Variants in MED13L observed in about 807,000 individuals in gnomAD.
The protein encoded by MED13L is mediator of RNA polymerase II transcription subunit 13-like.
MED13L carries 7 observed loss-of-function variants against 220.9 expected under a neutral mutation model. That is an observed-to-expected ratio of 0.03 (90% CI 0.02 to 0.06). MED13L has a LOEUF of 0.06. Ranked by LOEUF, MED13L falls within the 10% of genes least tolerant of loss-of-function variation. The pLI is 1.00. For synonymous variants in MED13L, 1,011 were observed against 1,015.2 expected (o/e 1.00, Z 0.08); for missense variants, 1,965 against 2,760.5 (o/e 0.71, Z 6.46).
At chr12:116,111,895 A>G (rs543097419) in intron 2 of MED13L, among the ~76,000 whole-genome samples, 49 of 152,354 alleles carry the variant, frequency 3.2e-4, no homozygotes, top group African/African-American at 1.1e-3. Context: ...ACAAATTAAT[A>G]GCAAAGTTAT....
intron 2 of MED13L, among the ~76,000 whole-genome samples, chr12:116,201,839 AATAC>A (rs1882025345): frequency 6.6e-6 from 1 of 152,194 alleles, no homozygotes; most frequent in Admixed American, 6.5e-5. Context: ...TGAGCAATAT[AATAC>A]AGTAAGAAAA....
chr12:116,053,278 T>C (rs565476654), intron 4 of MED13L, among the ~76,000 whole-genome samples: 1 of 152,294 alleles, frequency 6.6e-6, no homozygotes, highest in East Asian at 1.9e-4. Context: ...ATTTATACTC[T>C]TCTAGAAGAA....
intron 4 of MED13L, among the ~76,000 whole-genome samples, chr12:116,071,120 A>C (rs1370767091): frequency 1.3e-5 from 2 of 152,194 alleles, no homozygotes; most frequent in African/African-American, 4.8e-5. Context: ...AGAAGACAAC[A>C]GTTCATTACT....
At chr12:116,095,251 G>GA (rs1238024349) in intron 4 of MED13L, among the ~76,000 whole-genome samples, 24 of 152,108 alleles carry the variant, frequency 1.6e-4, no homozygotes, top group African/African-American at 4.8e-4. Flanking sequence ...TTTATAAGGG[G>GA]AAAAAAATCC....
chr12:116,245,670 C>T (rs1871034762), intron 1 of MED13L, among the ~76,000 whole-genome samples: 1 of 151,860 alleles, frequency 6.6e-6, no homozygotes, highest in Non-Finnish European at 1.5e-5. Context: ...AATAATGATT[C>T]CAGAAATGAT....
At chr12:116,276,997 G>C in intron 1 of MED13L, 63 bp downstream of exon 1, 2 of 1,502,724 alleles carry the variant, frequency 1.3e-6, no homozygotes, top group South Asian at 2.4e-5. Context: ...TTGGTCGGCG[G>C]CGGAGGTCGG....
chr12:115,967,727 T>C lies in MED13L; in HGVS notation c.6225+1213A>G, dbSNP rs556524557. On this transcript the variant is annotated intron_variant, in intron 28 of 30. Transcript: ENST00000281928. ...CAATTCAAAGTTGTCTTTAACAGAC[T>C]GTGGGGCATGCATTCTTAGCTGCTA... Among the ~76,000 whole-genome samples, 228 of 152,332 alleles carry C rather than the reference T, an allele frequency of 1.5e-3. 2 individuals carry two copies. The highest frequency in any genetic ancestry group is 5.2e-3 in the African/African-American group (217 of 41,576).
rs973295828 is a variant in MED13L at position 115,995,718 on chromosome 12, C to T, written c.2996+758G>A. 2.6e-5 allele frequency among the ~76,000 whole-genome samples: 4 copies of T among 152,290 alleles called. No individual in the cohort carries two copies. The South Asian group carries it at 6.2e-4, about 24-fold the overall frequency. On this transcript the variant is annotated intron_variant, in intron 16 of 30. Transcript: ENST00000281928. ...GGATTACGGTTTGAGCCACCGCACC[C>T]GGCCCTAGCCTATCTTCAACATATT...
At chr12:116,257,201 T>C (rs1872133868) in intron 1 of MED13L, among the ~76,000 whole-genome samples, 1 of 152,250 alleles carries the variant, frequency 6.6e-6, no homozygotes, top group African/African-American at 2.4e-5. Flanking sequence ...GATATTAAGA[T>C]GGTTTGCTTC....
chr12:116,208,484 C>A (rs188223096), intron 2 of MED13L, among the ~76,000 whole-genome samples: 12 of 152,332 alleles, frequency 7.9e-5, no homozygotes, highest in Admixed American at 5.9e-4. Context: ...TAGGAACTCA[C>A]AGGTCATCTT....
At chr12:116,007,753 GT>G in intron 10 of MED13L, 117 bp from the exon 11 acceptor site, 1 of 821,766 alleles carries the variant, frequency 1.2e-6, no homozygotes, top group Non-Finnish European at 1.9e-6. Flanking sequence ...TGCTTTTACA[GT>G]TTATATTCAT....
At chr12:116,273,136 C>T (rs1873523253) in intron 1 of MED13L, among the ~76,000 whole-genome samples, 1 of 151,982 alleles carries the variant, frequency 6.6e-6, no homozygotes, top group African/African-American at 2.4e-5. Flanking sequence ...GAAACCCCGT[C>T]TCTACTAAAA....
intron 4 of MED13L, among the ~76,000 whole-genome samples, chr12:116,031,204 A>G (rs1158230991): frequency 6.6e-6 from 1 of 152,170 alleles, no homozygotes. Context: ...GAGCAAAACA[A>G]AGATAACTGC....
Position 115,986,301 on chromosome 12 carries a change from T to C in MED13L, c.4303A>G (p.Lys1435Glu), listed in dbSNP as rs751003409. Reference protein sequence around the residue: ...PENEALLEGAKTFFRDLSAVY... With the variant: ...PENEALLEGAETFFRDLSAVY... ...GCACTCAAGTCCCTGAAGAAAGTTT[T>C]GGCTCCTTCGAGCAAGGCCTCATTT... is the stretch of plus-strand genomic sequence containing the variant. The change falls in exon 19 of 31, where the codon AAA becomes GAA. Residue 1435 changes from lysine (K) to glutamate (E), a missense_variant. Physicochemically the swap from Lys to Glu is moderately conservative, Grantham distance 56 (BLOSUM62 1). Coordinates refer to ENST00000281928, the MANE Select transcript of MED13L (RefSeq NM_015335.5). 1.9e-6 allele frequency: 3 copies of C among 1,614,166 alleles called. No homozygotes were observed. The highest frequency in any genetic ancestry group is 3.3e-5 in the Admixed American group (2 of 60,020).
In MED13L at chr12:115,980,742, A is replaced by C. The variant is rs1331324329; in HGVS notation, c.5364+8T>G. 6.2e-7 allele frequency: 1 copy of C among 1,613,982 alleles called. No homozygotes were observed. Among genetic ancestry groups the C allele is most frequent in the Non-Finnish European group, 8.5e-7 (1 of 1,179,922 alleles). On this transcript the variant is annotated splice_region_variant and intron_variant, in intron 23 of 30. Coordinates refer to ENST00000281928, the MANE Select transcript of MED13L (RefSeq NM_015335.5). ...AATTTTCTAAGTTTCTGTCCTGCCA[A>C]TACCTACCTCAGGGTTCTTGAGGGT...
At chr12:116,036,246 C>A (rs1274184316) in intron 4 of MED13L, among the ~76,000 whole-genome samples, 1 of 152,174 alleles carries the variant, frequency 6.6e-6, no homozygotes, top group Non-Finnish European at 1.5e-5. Flanking sequence ...CTGATATACA[C>A]AGTGAAGATT....
intron 4 of MED13L, among the ~76,000 whole-genome samples, chr12:116,047,434 C>T (rs1881906642): frequency 6.6e-6 from 1 of 152,150 alleles, no homozygotes. Flanking sequence ...TTGTTGAGAG[C>T]AAGAAACACC....
intron 2 of MED13L, among the ~76,000 whole-genome samples, chr12:116,190,984 C>T (rs771279772): frequency 4.0e-5 from 6 of 150,892 alleles, no homozygotes; most frequent in Non-Finnish European, 5.9e-5. Flanking sequence ...CCCAGCTACT[C>T]GGGATGCTGA....
At chr12:116,099,957 G>C (rs1292198512) in intron 3 of MED13L, among the ~76,000 whole-genome samples, 1 of 152,174 alleles carries the variant, frequency 6.6e-6, no homozygotes, top group Non-Finnish European at 1.5e-5. Context: ...TTCCAAATAA[G>C]AGTCACAAAT....
Sources: allele counts gnomAD v4.1 joint callset (sites outside exome capture counted in the v4.1 genomes callset), GRCh38; gene constraint gnomAD v4.1.1; transcripts MANE v1.5; gene names NCBI Gene and HGNC (gene_info 2026-07-23, HGNC 2026-07-21).